The following SIL1 variants were observed in gnomAD, a reference collection of about 807,000 sequenced individuals.
The protein encoded by SIL1 is nucleotide exchange factor SIL1.
Under a neutral mutation model 49.1 loss-of-function variants are expected in SIL1, and 40 were observed. The observed-to-expected ratio is 0.81, with a 90% CI of 0.63 to 1.06. The LOEUF is 1.06. Among genes scored for constraint, SIL1 ranks in the 50% least tolerant of loss-of-function variants. SIL1 has a pLI of 0.00. For missense variants in SIL1, 500 were observed against 572.6 expected, an observed-to-expected ratio of 0.87 and a Z score of 1.29; for synonymous variants, 253 against 250.8, an observed-to-expected ratio of 1.01 and a Z score of -0.08.
intron 3 of SIL1, among the ~76,000 whole-genome samples, chr5:139,087,288 T>C (rs1293965558): frequency 2.6e-5 from 4 of 152,266 alleles, no homozygotes; most frequent in African/African-American, 9.6e-5. Context: ...CTCTTTCCCA[T>C]ATGACAACAG....
intron 1 of SIL1, among the ~76,000 whole-genome samples, chr5:139,145,663 TG>T (rs1243432433): frequency 2.1e-5 from 3 of 142,710 alleles, no homozygotes; most frequent in African/African-American, 3.0e-5. Flanking sequence ...TGTGTGTGTG[TG>T]TGTGTGTGTG....
At chr5:139,105,046 G>A (rs754314950) in intron 3 of SIL1, among the ~76,000 whole-genome samples, 8 of 152,148 alleles carry the variant, frequency 5.3e-5, no homozygotes, top group Non-Finnish European at 7.3e-5. Context: ...GGGATAGGGC[G>A]GCAGGACTCG....
At chr5:139,077,214 C>G (rs147149900) in intron 3 of SIL1, among the ~76,000 whole-genome samples, 2 of 152,208 alleles carry the variant, frequency 1.3e-5, no homozygotes, top group African/African-American at 4.8e-5. Flanking sequence ...TTCCCTCCCC[C>G]ACATTCAATC....
chr5:139,162,012 C>CAA (rs553500888), intron 1 of SIL1, among the ~76,000 whole-genome samples: 2 of 130,808 alleles, frequency 1.5e-5, no homozygotes, highest in Non-Finnish European at 3.3e-5. Flanking sequence ...GACTCTGTCT[C>CAA]AAAAAAAAAA....
chr5:139,003,176 G>A (rs922336771), intron 7 of SIL1, among the ~76,000 whole-genome samples: 2 of 152,008 alleles, frequency 1.3e-5, no homozygotes, highest in African/African-American at 4.8e-5. Context: ...CCAAGATAGA[G>A]CTTCCATTCT....
At chr5:139,182,761 C>T (rs1245038111) in intron 1 of SIL1, among the ~76,000 whole-genome samples, 1 of 151,986 alleles carries the variant, frequency 6.6e-6, no homozygotes, top group Non-Finnish European at 1.5e-5. Flanking sequence ...TCTGAAAAAC[C>T]CAGGGGGTTT....
At chr5:139,023,598 T>C (rs1768577996) in intron 6 of SIL1, among the ~76,000 whole-genome samples, 1 of 152,238 alleles carries the variant, frequency 6.6e-6, no homozygotes, top group African/African-American at 2.4e-5. Context: ...ATATCCTGTT[T>C]AATAATTCAA....
In SIL1 at chr5:139,051,016, C is replaced by T. The variant is rs138414883; in HGVS notation, c.275G>A (p.Arg92Gln). 25 of 1,613,998 alleles carry T rather than the reference C, an allele frequency of 1.5e-5. No homozygotes were observed. The highest frequency in any genetic ancestry group is 6.7e-5 in the East Asian group (3 of 44,894). ...TCTTTCCCCAGTCTGAAGATTCAGC[C>T]GTACGTGGGATCCTGCAGGGACAGC... ...GQAVPAGSHVRLNLQTGEREA... is the reference protein window; with the variant it reads ...GQAVPAGSHVQLNLQTGEREA... Residue 92 changes from arginine (R) to glutamine (Q), a missense_variant, in exon 4 of 10, where the codon CGG becomes CAG. Coordinates refer to ENST00000394817, the MANE Select transcript of SIL1 (RefSeq NM_022464.5).
At chr5:139,061,377 G>T (rs1414300725) in intron 3 of SIL1, among the ~76,000 whole-genome samples, 1 of 152,234 alleles carries the variant, frequency 6.6e-6, no homozygotes, top group Admixed American at 6.5e-5. Context: ...AAAAGGACAG[G>T]ATGTCCTCCA....
At position 138,946,879 on chromosome 5, in the gene SIL1, T is replaced by C; in HGVS notation, c.*238A>G. The stretch of plus-strand genomic sequence containing the variant: ...TCCTGCCCTGGAGCCTGTTCCTGGA[T>C]GCCCTGGGCTGAGCCCTGCACGTCA... On this transcript the variant is annotated 3_prime_UTR_variant, in exon 10 of 10. Transcript: ENST00000394817. The C allele has an allele frequency of 1.8e-6, 1 of 560,484 alleles. No homozygotes were observed. The highest frequency in any genetic ancestry group is 3.2e-6 in the Non-Finnish European group (1 of 310,754). 34.7% of individuals were successfully genotyped at this position (560,484 alleles called of 1,614,324 possible).
At chr5:139,056,214 C>T (rs1419856280) in intron 3 of SIL1, among the ~76,000 whole-genome samples, 13 of 150,806 alleles carry the variant, frequency 8.6e-5, no homozygotes, top group Non-Finnish European at 1.8e-4. Context: ...GCCATCCCAT[C>T]TAGGAAGTGA....
At chr5:139,100,236 AAAG>A (rs1770556977) in intron 3 of SIL1, among the ~76,000 whole-genome samples, 1 of 152,194 alleles carries the variant, frequency 6.6e-6, no homozygotes, top group Admixed American at 6.5e-5. Flanking sequence ...GGACACTGGA[AAAG>A]AAGAAAGTCA....
intron 1 of SIL1, among the ~76,000 whole-genome samples, chr5:139,153,460 G>C (rs1264761760): frequency 1.3e-5 from 2 of 152,176 alleles, no homozygotes; most frequent in Admixed American, 1.3e-4. Flanking sequence ...CTCAAGACTT[G>C]AGACAAAAGA....
At position 139,041,370 on chromosome 5, in the gene SIL1, T is replaced by C. The variant is rs552661681; in HGVS notation, c.453+1250A>G. ...ACCAGTTTCCTATCCCCCAAAAAGG[T>C]TCATTTTCCCAGAAATATTTAGTTC... is the stretch of plus-strand genomic sequence containing the variant. On this transcript the variant is annotated intron_variant, in intron 5 of 9. Coordinates refer to ENST00000394817, the MANE Select transcript of SIL1 (RefSeq NM_022464.5). 2.6e-5 allele frequency among the ~76,000 whole-genome samples: 4 copies of C among 152,294 alleles called. No homozygotes were observed. The South Asian group carries it at 8.3e-4, about 32-fold the overall frequency.
intron 3 of SIL1, among the ~76,000 whole-genome samples, chr5:139,094,421 G>A (rs1219742799): frequency 6.6e-6 from 1 of 152,002 alleles, no homozygotes; most frequent in Non-Finnish European, 1.5e-5. Flanking sequence ...TTCTAGTAGT[G>A]GAAACAGACA....
intron 7 of SIL1, among the ~76,000 whole-genome samples, chr5:138,995,195 A>G (rs1767838051): frequency 1.3e-5 from 2 of 152,114 alleles, no homozygotes; most frequent in South Asian, 4.1e-4. Flanking sequence ...ACATTCATAT[A>G]ATTTGTAAAT....
intron 7 of SIL1, among the ~76,000 whole-genome samples, chr5:138,973,941 T>C (rs997470128): frequency 6.6e-6 from 1 of 152,138 alleles, no homozygotes; most frequent in Non-Finnish European, 1.5e-5. Context: ...TATATATAAA[T>C]CTTTACCCAT....
chr5:139,115,930 C>T (rs1046096908), intron 3 of SIL1, among the ~76,000 whole-genome samples: 2 of 152,196 alleles, frequency 1.3e-5, no homozygotes, highest in Non-Finnish European at 2.9e-5. Context: ...AGCCCTTTAA[C>T]TTGAGGGATC....
chr5:139,007,325 T>C (rs1768143476), intron 7 of SIL1, among the ~76,000 whole-genome samples: 1 of 135,842 alleles, frequency 7.4e-6, no homozygotes, highest in African/African-American at 3.0e-5. Context: ...CCTGAGACTT[T>C]GCTGAAGTTG....
Sources: allele counts gnomAD v4.1 joint callset (sites outside exome capture counted in the v4.1 genomes callset), GRCh38; gene constraint gnomAD v4.1.1; transcripts MANE v1.5; gene names NCBI Gene and HGNC (gene_info 2026-07-23, HGNC 2026-07-21).